Variants in CYP4X1 observed in about 807,000 individuals in gnomAD.
CYP4X1 encodes the protein cytochrome P450 4X1.
In CYP4X1, 44 loss-of-function variants were observed where a neutral mutation model predicts 57.9. The ratio of observed to expected loss-of-function variants is 0.76; its 90% CI spans 0.60 to 0.98. The LOEUF (loss-of-function observed/expected upper bound fraction) is 0.98. Among genes scored for constraint, CYP4X1 ranks in the 50% least tolerant of loss-of-function variants. The pLI, the probability that CYP4X1 is intolerant of heterozygous loss-of-function variation, is 0.00. For missense variants in CYP4X1, 532 were observed against 623.9 expected, an observed-to-expected ratio of 0.85 and a Z score of 1.57; for synonymous variants, 227 against 228.6, an observed-to-expected ratio of 0.99 and a Z score of 0.06.
the CYP4X1 span, among the ~76,000 whole-genome samples, chr1:46,973,189 A>G: frequency 2.6e-5 from 4 of 152,022 alleles, no homozygotes; most frequent in Non-Finnish European, 4.4e-5. Flanking sequence ...TGAGATGATC[A>G]TGTGTTTTTA....
At chr1:47,010,084 C>A in the CYP4X1 span, among the ~76,000 whole-genome samples, 1 of 152,010 alleles carries the variant, frequency 6.6e-6, no homozygotes, top group Non-Finnish European at 1.5e-5. Context: ...ATCCTGATAC[C>A]AAAGCCTGGC....
intron 2 of CYP4X1, 30 bp downstream of exon 2, chr1:47,030,161 A>G: frequency 6.3e-7 from 1 of 1,588,874 alleles, no homozygotes; most frequent in Non-Finnish European, 8.6e-7. Context: ...TCTGGGACCT[A>G]TTCCTCCTAG....
the CYP4X1 span, among the ~76,000 whole-genome samples, chr1:46,974,340 GAC>G: frequency 1.3e-5 from 2 of 152,034 alleles, no homozygotes; most frequent in Non-Finnish European, 2.9e-5. Context: ...ATTGCTTTAT[GAC>G]CAAGCGTAGG....
downstream of CYP4X1, among the ~76,000 whole-genome samples, chr1:47,051,816 CT>C (rs1430484369): frequency 5.3e-5 from 8 of 151,972 alleles, no homozygotes; most frequent in East Asian, 1.5e-3. Flanking sequence ...TTGTTTTTTT[CT>C]GGTACAAACC....
chr1:47,048,577 T>C lies in CYP4X1; in HGVS notation c.1220T>C (p.Val407Ala), dbSNP rs374067435. The C allele has an allele frequency of 8.6e-5, 139 of 1,614,024 alleles. No homozygotes were observed. The highest frequency in any genetic ancestry group is 1.1e-4 in the Non-Finnish European group (129 of 1,180,000). The change falls in exon 10 of 12, where the codon GTT (valine) becomes GCT (alanine). Residue 407 changes from valine to alanine, a missense_variant. Physicochemically the swap from Val to Ala is moderately conservative, Grantham distance 64. Transcript: ENST00000371901. ...CCTCCTTTCTTAGGGATCACCGTGG[T>C]TCTTAGTATTTGGGGTCTTCACCAC... ...GCTLPAGITV[V>A]LSIWGLHHNP...
the CYP4X1 span, among the ~76,000 whole-genome samples, chr1:47,012,335 G>A: frequency 3.9e-5 from 6 of 152,184 alleles, no homozygotes; most frequent in Non-Finnish European, 7.4e-5. Flanking sequence ...GTATGTTCTC[G>A]CTTATAGGTG....
chr1:46,999,849 T>C, the CYP4X1 span, among the ~76,000 whole-genome samples: 1 of 152,140 alleles, frequency 6.6e-6, no homozygotes, highest in Non-Finnish European at 1.5e-5. Flanking sequence ...CCACCATCCC[T>C]ATCTCTTTGG....
At chr1:47,021,217 T>C (rs530535559), upstream of CYP4X1, among the ~76,000 whole-genome samples, 3 of 148,858 alleles carry the variant, frequency 2.0e-5, no homozygotes, top group Admixed American at 1.3e-4. Context: ...TATTTTTGAG[T>C]TGTAGCAAGT....
the CYP4X1 span, among the ~76,000 whole-genome samples, chr1:47,012,728 G>A: frequency 6.6e-6 from 1 of 152,112 alleles, no homozygotes; most frequent in Non-Finnish European, 1.5e-5. Context: ...TGTGAAATGA[G>A]GCTTATACTG....
chr1:47,012,194 T>C, the CYP4X1 span, among the ~76,000 whole-genome samples: 4 of 152,018 alleles, frequency 2.6e-5, no homozygotes, highest in African/African-American at 7.3e-5. Flanking sequence ...ATTAAGAAAA[T>C]GTGGCACATA....
At chr1:47,051,027 C>T (rs1014121323), downstream of CYP4X1, among the ~76,000 whole-genome samples, 1 of 152,012 alleles carries the variant, frequency 6.6e-6, no homozygotes, top group Non-Finnish European at 1.5e-5. Context: ...TGAACTCAAA[C>T]AAATGTACAA....
the CYP4X1 span, among the ~76,000 whole-genome samples, chr1:46,987,780 G>A: frequency 6.6e-6 from 1 of 152,132 alleles, no homozygotes; most frequent in African/African-American, 2.4e-5. Context: ...GCTCCTGAAT[G>A]ACTACTGGGT....
chr1:46,976,728 C>T, the CYP4X1 span, among the ~76,000 whole-genome samples: 1 of 152,104 alleles, frequency 6.6e-6, no homozygotes, highest in South Asian at 2.1e-4. Context: ...CAGCTGGGTG[C>T]CCCTCTGAGA....
chr1:47,035,115 C>G (rs1019082159), intron 4 of CYP4X1, among the ~76,000 whole-genome samples: 1 of 150,610 alleles, frequency 6.6e-6, no homozygotes, highest in Non-Finnish European at 1.5e-5. Context: ...TAAGACCTAT[C>G]GGTCGACCTG....
At chr1:47,022,021 A>G (rs1644002833), upstream of CYP4X1, among the ~76,000 whole-genome samples, 1 of 152,186 alleles carries the variant, frequency 6.6e-6, no homozygotes, top group African/African-American at 2.4e-5. Context: ...TCATACAACC[A>G]TCATGATTTG....
chr1:46,985,950 G>A, the CYP4X1 span, among the ~76,000 whole-genome samples: 2 of 152,178 alleles, frequency 1.3e-5, no homozygotes, highest in Non-Finnish European at 2.9e-5. Flanking sequence ...CCAAAAATCA[G>A]AATGCCTCTT....
the CYP4X1 span, among the ~76,000 whole-genome samples, chr1:46,994,089 C>A: frequency 6.6e-6 from 1 of 152,000 alleles, no homozygotes; most frequent in African/African-American, 2.4e-5. Context: ...CTTTAATCCA[C>A]CTTGAATTAA....
At chr1:47,002,775 T>C in the CYP4X1 span, among the ~76,000 whole-genome samples, 1 of 152,244 alleles carries the variant, frequency 6.6e-6, no homozygotes, top group African/African-American at 2.4e-5. Flanking sequence ...CACGGTTTAT[T>C]GTCCTCATTT....
At chr1:47,051,694 C>G (rs1183624995), downstream of CYP4X1, among the ~76,000 whole-genome samples, 2 of 152,150 alleles carry the variant, frequency 1.3e-5, no homozygotes, top group African/African-American at 2.4e-5. Context: ...CAAACACCCA[C>G]GTCTAAAACC....
Sources: gnomAD v4.1 joint callset for allele counts (sites outside exome capture counted in the v4.1 genomes callset) on GRCh38, gnomAD v4.1.1 for gene constraint, MANE v1.5 for transcripts, NCBI Gene and HGNC (gene_info 2026-07-23, HGNC 2026-07-21) for gene names.